Variants in SPG11 observed in about 807,000 individuals in gnomAD.
SPG11 encodes SPG11 vesicle trafficking associated, spatacsin.
Under a neutral mutation model 274.0 loss-of-function variants are expected in SPG11, and 222 were observed. The ratio of observed to expected loss-of-function variants is 0.81; its 90% CI spans 0.73 to 0.91. The LOEUF (loss-of-function observed/expected upper bound fraction) is 0.91, where lower values mean the gene tolerates loss of function less well. Ranked by LOEUF, SPG11 falls within the 40% of genes least tolerant of loss-of-function variation. The pLI, the probability that SPG11 is intolerant of heterozygous loss-of-function variation, is 0.00. For synonymous variants in SPG11, 1,144 were observed against 1,039.7 expected (o/e 1.10, Z -1.93); for missense variants, 3,114 against 2,872.7 (o/e 1.08, Z -1.92).
At position 44,585,784 on chromosome 15, in the gene SPG11, T is replaced by G; in HGVS notation, c.4973A>C (p.His1658Pro). The change falls in exon 29 of 40, where the codon CAT becomes CCT. Residue 1658 changes from histidine (H) to proline (P), a missense_variant. Transcript: ENST00000261866. ...AATGCTGTAGCTGGTAATAATTGTA[T>G]GATTAATGGCTATGGATGTATCCTT... The part of the protein sequence containing the change: ...ILKDTSIAIN[H>P]TIITSYSIEN... The G allele has an allele frequency of 6.2e-7, 1 of 1,614,086 alleles. No individual in the cohort carries two copies. The highest frequency in any genetic ancestry group is 8.5e-7 in the Non-Finnish European group (1 of 1,179,998).
At chr15:44,637,600 G>A (rs996740301) in intron 7 of SPG11, among the ~76,000 whole-genome samples, 1 of 152,126 alleles carries the variant, frequency 6.6e-6, no homozygotes. Flanking sequence ...GTGAGCCACT[G>A]TGCCTGGGTT....
At chr15:44,581,373 A>C (rs1049698165) in intron 30 of SPG11, among the ~76,000 whole-genome samples, 2 of 151,632 alleles carry the variant, frequency 1.3e-5, no homozygotes, top group African/African-American at 4.8e-5. Flanking sequence ...CACCTGGCTA[A>C]TTTTTGTATT....
chr15:44,596,848 G>A lies in SPG11; in HGVS notation c.4097C>T (p.Ala1366Val), dbSNP rs774455763. 2 of 1,613,854 alleles carry A rather than the reference G, an allele frequency of 1.2e-6. No homozygotes were observed. Among genetic ancestry groups the A allele is most frequent in the African/African-American group, 2.7e-5 (2 of 74,918 alleles). Reference protein sequence around the residue: ...KLSISYLRECAKANDWLQFII... With the variant: ...KLSISYLRECVKANDWLQFII... ...GAACTGCAGCCAATCATTTGCTTTG[G>A]CACATTCTCTAAGGTAAGATATGCT... Residue 1366 changes from alanine (A) to valine (V), a missense_variant, in exon 24 of 40, where the codon GCC becomes GTC. Physicochemically the swap from Ala to Val is moderately conservative, Grantham distance 64. Transcript: ENST00000261866.
In SPG11 at chr15:44,636,945, A is replaced by AC. The variant is rs1567180542; in HGVS notation, c.1603-3309_1603-3308insG. Among the ~76,000 whole-genome samples, 669 of 120,692 alleles carry AC rather than the reference A, an allele frequency of 5.5e-3. 11 individuals carry two copies. Among genetic ancestry groups the AC allele is most frequent in the African/African-American group, 0.022 (644 of 29,450 alleles). 79.2% of individuals were successfully genotyped at this position (120,692 alleles called of 152,430 possible). On this transcript the variant is annotated intron_variant, in intron 7 of 39. Coordinates refer to ENST00000261866, the MANE Select transcript of SPG11 (RefSeq NM_025137.4). The stretch of plus-strand genomic sequence containing the variant: ...CATCTCAAAAAAAAAAAAAAAAAAA[A>AC]AAAAAAAAAAAACAAAAAAAAAACA...
intron 28 of SPG11, among the ~76,000 whole-genome samples, chr15:44,586,788 C>T (rs1463917980): frequency 6.6e-6 from 1 of 152,212 alleles, no homozygotes; most frequent in African/African-American, 2.4e-5. Flanking sequence ...CTCTCTCTTT[C>T]TGGATTTATC....
At chr15:44,642,998 G>A (rs1469438564) in intron 7 of SPG11, among the ~76,000 whole-genome samples, 1 of 152,170 alleles carries the variant, frequency 6.6e-6, no homozygotes, top group Non-Finnish European at 1.5e-5. Context: ...TTGCCTTGAT[G>A]GTGGATACAA....
chr15:44,651,601 G>A lies in SPG11; in HGVS notation c.1346C>T (p.Thr449Ile), dbSNP rs1324788293. 1.2e-6 allele frequency: 2 copies of A among 1,614,172 alleles called. No homozygotes were observed. The highest frequency in any genetic ancestry group is 1.1e-5 in the South Asian group (1 of 91,078). The change falls in exon 6 of 40, where the codon ACC (threonine) becomes ATC (isoleucine). Residue 449 changes from threonine to isoleucine, a missense_variant. Physicochemically the swap from Thr to Ile is moderately conservative, Grantham distance 89. Transcript: ENST00000261866. ...FTWEVERMGY[T>I]ITLWDLETQG... ...GGTCTCCAAATCCCAGAGGGTAATG[G>A]TATAGCCCATCCTTTCCACTTCCCA...
intron 4 of SPG11, 45 bp downstream of exon 4, chr15:44,657,050 G>T: frequency 1.3e-6 from 2 of 1,544,820 alleles, no homozygotes; most frequent in South Asian, 1.1e-5. Flanking sequence ...CCTCTTATCA[G>T]TCTAACTATT....
At chr15:44,579,036 T>C (rs1277275439) in intron 30 of SPG11, among the ~76,000 whole-genome samples, 1 of 151,728 alleles carries the variant, frequency 6.6e-6, no homozygotes, top group Non-Finnish European at 1.5e-5. Flanking sequence ...TGCACACCTG[T>C]AATCCCAGCT....
chr15:44,569,562 G>T, intron 34 of SPG11, 57 bp from the exon 35 acceptor site: 2 of 1,292,868 alleles, frequency 1.5e-6, no homozygotes, highest in South Asian at 1.3e-5. Context: ...AGTTCTCTGA[G>T]CCAGACAACT....
chr15:44,634,086 G>A (rs1046117527), intron 7 of SPG11, among the ~76,000 whole-genome samples: 8 of 152,004 alleles, frequency 5.3e-5, no homozygotes, highest in African/African-American at 1.9e-4. Flanking sequence ...TGATCCACCT[G>A]CCTTGGCCTC....
chr15:44,577,339 C>A (rs980591795), intron 30 of SPG11, among the ~76,000 whole-genome samples: 32 of 151,290 alleles, frequency 2.1e-4, no homozygotes, highest in African/African-American at 7.5e-4. Context: ...CCCACTGCTA[C>A]AAAAAATTTA....
At chr15:44,629,083 C>T in intron 9 of SPG11, 150 bp downstream of exon 9, 1 of 950,766 alleles carries the variant, frequency 1.1e-6, no homozygotes, top group Non-Finnish European at 1.6e-6. Flanking sequence ...AGTATCAAAA[C>T]CCATTTCACT....
intron 18 of SPG11, 86 bp from the exon 19 acceptor site, chr15:44,608,691 A>C (rs1203950460): frequency 1.5e-6 from 2 of 1,325,122 alleles, no homozygotes; most frequent in Non-Finnish European, 2.1e-6. Flanking sequence ...TTGTGAAACA[A>C]GATTAGCTTG....
At chr15:44,633,121 T>C (rs892468440) in intron 8 of SPG11, among the ~76,000 whole-genome samples, 1 of 151,470 alleles carries the variant, frequency 6.6e-6, no homozygotes, top group Non-Finnish European at 1.5e-5. Context: ...AGAGGATTGT[T>C]TGAGCCCAGG....
chr15:44,575,892 C>G (rs1280042391), intron 30 of SPG11, among the ~76,000 whole-genome samples: 1 of 152,034 alleles, frequency 6.6e-6, no homozygotes, highest in Non-Finnish European at 1.5e-5. Context: ...CCTATAATCC[C>G]AGCACTTTGG....
intron 31 of SPG11, among the ~76,000 whole-genome samples, chr15:44,574,612 G>T (rs556385207): frequency 6.6e-6 from 1 of 152,230 alleles, no homozygotes; most frequent in Admixed American, 6.5e-5. Context: ...AAGTCTAGAA[G>T]AGACCCTCAT....
intron 36 of SPG11, among the ~76,000 whole-genome samples, 170 bp from the exon 37 acceptor site, chr15:44,566,475 G>C (rs2082311716): frequency 6.6e-6 from 1 of 152,178 alleles, no homozygotes; most frequent in Non-Finnish European, 1.5e-5. Flanking sequence ...TACGCTTATT[G>C]TAACTTCACT....
intron 6 of SPG11, among the ~76,000 whole-genome samples, chr15:44,650,475 G>A (rs117801059): frequency 0.015 from 2,229 of 152,078 alleles, 59 homozygotes; most frequent in East Asian, 0.1. Flanking sequence ...CCAACAGAGC[G>A]AGACGTCGTC....
Sources: allele counts gnomAD v4.1 joint callset (sites outside exome capture counted in the v4.1 genomes callset), GRCh38; gene constraint gnomAD v4.1.1; transcripts MANE v1.5; gene names NCBI Gene and HGNC (gene_info 2026-07-23, HGNC 2026-07-21).